The following MAN1A1 variants were observed in gnomAD, a reference collection of about 807,000 sequenced individuals.
The protein encoded by MAN1A1 is mannosyl-oligosaccharide 1,2-alpha-mannosidase IA.
Under a neutral mutation model 70.8 loss-of-function variants are expected in MAN1A1, and 29 were observed. The ratio of observed to expected loss-of-function variants is 0.41; its 90% CI spans 0.31 to 0.56. MAN1A1 has a LOEUF of 0.56. Ranked by LOEUF, MAN1A1 falls within the 20% of genes least tolerant of loss-of-function variation. The probability of loss-of-function intolerance (pLI) is 0.29; values close to 1 mark genes in which losing one functional copy is unlikely to be tolerated. For synonymous variants in MAN1A1, 349 were observed against 330.1 expected (o/e 1.06, Z -0.62); for missense variants, 747 against 841.3 (o/e 0.89, Z 1.39).
At chr6:119,222,131 A>G (rs1295871874) in intron 6 of MAN1A1, among the ~76,000 whole-genome samples, 1 of 151,984 alleles carries the variant, frequency 6.6e-6, no homozygotes, top group Non-Finnish European at 1.5e-5. Flanking sequence ...AACTTCCCCA[A>G]CTGACTTCAA....
At chr6:119,259,978 T>C (rs1291804808) in intron 5 of MAN1A1, among the ~76,000 whole-genome samples, 1 of 152,202 alleles carries the variant, frequency 6.6e-6, no homozygotes, top group Non-Finnish European at 1.5e-5. Context: ...TAAATGGTAT[T>C]GATTGCATTT....
intron 8 of MAN1A1, among the ~76,000 whole-genome samples, chr6:119,196,937 CA>C (rs757898907): frequency 2.0e-5 from 3 of 152,156 alleles, no homozygotes; most frequent in Non-Finnish European, 4.4e-5. Flanking sequence ...TATCAGTGAC[CA>C]GGACCGGATA....
chr6:119,201,933 G>A (rs369275368), intron 7 of MAN1A1, among the ~76,000 whole-genome samples: 209 of 152,178 alleles, frequency 1.4e-3, no homozygotes, highest in African/African-American at 4.6e-3. Flanking sequence ...AATGAAACTC[G>A]CAGGACTGGA....
intron 6 of MAN1A1, among the ~76,000 whole-genome samples, chr6:119,209,493 T>C (rs1216239593): frequency 2.0e-5 from 3 of 152,176 alleles, no homozygotes; most frequent in African/African-American, 7.2e-5. Context: ...ATACAATTAT[T>C]GCAAAGGTTC....
At chr6:119,347,291 CT>C (rs1346192651) in intron 2 of MAN1A1, among the ~76,000 whole-genome samples, 1 of 152,212 alleles carries the variant, frequency 6.6e-6, no homozygotes, top group Non-Finnish European at 1.5e-5. Flanking sequence ...TCTCAACCAC[CT>C]CAAAAATCTG....
intron 6 of MAN1A1, among the ~76,000 whole-genome samples, chr6:119,225,375 C>CAA (rs1303694368): frequency 2.0e-5 from 3 of 151,442 alleles, no homozygotes; most frequent in African/African-American, 7.3e-5. Flanking sequence ...GCCTGAGTGA[C>CAA]AGAGTGAAAC....
At chr6:119,335,400 C>A (rs1221866805) in intron 2 of MAN1A1, among the ~76,000 whole-genome samples, 2 of 152,128 alleles carry the variant, frequency 1.3e-5, no homozygotes, top group African/African-American at 4.8e-5. Flanking sequence ...ATTTCAAAGG[C>A]GTGGAAAGGG....
chr6:119,221,748 C>T (rs931543494), intron 6 of MAN1A1, among the ~76,000 whole-genome samples: 11 of 151,976 alleles, frequency 7.2e-5, no homozygotes, highest in African/African-American at 2.7e-4. Context: ...CCACTGCGCC[C>T]GGCCTCAGAG....
intron 2 of MAN1A1, among the ~76,000 whole-genome samples, chr6:119,335,719 T>C (rs375627366): frequency 2.9e-4 from 44 of 152,246 alleles, no homozygotes; most frequent in African/African-American, 8.9e-4. Context: ...GACATGGATT[T>C]TGAGCAAGTG....
At chr6:119,292,838 G>T (rs1212493479) in intron 4 of MAN1A1, among the ~76,000 whole-genome samples, 2 of 151,982 alleles carry the variant, frequency 1.3e-5, no homozygotes, top group Non-Finnish European at 2.9e-5. Context: ...CACTCTGAAT[G>T]AATTTTACAT....
chr6:119,278,080 A>G (rs1776126718), intron 5 of MAN1A1, among the ~76,000 whole-genome samples: 1 of 152,016 alleles, frequency 6.6e-6, no homozygotes, highest in African/African-American at 2.4e-5. Flanking sequence ...CAGGAGTTCA[A>G]GGATGCAGTG....
At chr6:119,279,435 T>C (rs569263804) in intron 5 of MAN1A1, among the ~76,000 whole-genome samples, 26 of 152,340 alleles carry the variant, frequency 1.7e-4, no homozygotes, top group Admixed American at 7.8e-4. Flanking sequence ...GTACCTAAAG[T>C]GCCGAACACT....
chr6:119,348,750 CGCGGCGCCGG>C lies in MAN1A1; in HGVS notation c.306_315del (p.Arg105GlyfsTer95), dbSNP rs769757893. 5.8e-6 allele frequency: 9 copies of C among 1,560,362 alleles called. No homozygotes were observed. The highest frequency in any genetic ancestry group is 7.8e-6 in the Non-Finnish European group (9 of 1,156,266). ...TCCGGGTCCCCGGGTGCCCCCTCCTCGCGGCGCCGGGCTCGCCCCTCGGCCGCGTCCTCGG... is the reference window on the plus strand; with the variant it reads ...TCCGGGTCCCCGGGTGCCCCCTCCTCGCTCGCCCCTCGGCCGCGTCCTCGG... On this transcript the variant is annotated frameshift_variant, in exon 2 of 13. Transcript: ENST00000368468. LOFTEE classifies it high-confidence loss of function.
At position 119,305,754 on chromosome 6, in the gene MAN1A1, C is replaced by T. The variant is rs575923078; in HGVS notation, c.700+1142G>A. 2.0e-5 allele frequency among the ~76,000 whole-genome samples: 3 copies of T among 152,252 alleles called. No homozygotes were observed. The East Asian group carries it at 5.8e-4, about 29-fold the overall frequency. On this transcript the variant is annotated intron_variant, in intron 3 of 12. Transcript: ENST00000368468. ...TAAATCACTATTTACATATTATATG[C>T]TGTGTACTAGGCAAAGACTTGTGTA...
chr6:119,209,888 T>C (rs2267674), intron 6 of MAN1A1, among the ~76,000 whole-genome samples: 47,981 of 151,778 alleles, frequency 0.32, 7,836 homozygotes, highest in East Asian at 0.56. Flanking sequence ...AGGTGGCTAA[T>C]AGAGGGCAGC....
At chr6:119,274,694 T>C (rs1349427368) in intron 5 of MAN1A1, among the ~76,000 whole-genome samples, 1 of 152,186 alleles carries the variant, frequency 6.6e-6, no homozygotes, top group East Asian at 1.9e-4. Context: ...CCAAAATATA[T>C]ACATTTTACC....
intron 5 of MAN1A1, among the ~76,000 whole-genome samples, chr6:119,257,277 T>A (rs938476775): frequency 3.3e-5 from 5 of 152,138 alleles, no homozygotes; most frequent in African/African-American, 1.2e-4. Flanking sequence ...ACAGATTAAA[T>A]AAGATAAGCT....
chr6:119,201,995 G>C (rs1773725926), intron 7 of MAN1A1, among the ~76,000 whole-genome samples: 1 of 151,980 alleles, frequency 6.6e-6, no homozygotes, highest in African/African-American at 2.4e-5. Context: ...TGAAGGCCTG[G>C]GACGTTACTG....
chr6:119,318,372 C>G (rs1026348030), intron 2 of MAN1A1, among the ~76,000 whole-genome samples: 1 of 152,170 alleles, frequency 6.6e-6, no homozygotes, highest in African/African-American at 2.4e-5. Context: ...AACATCAGAT[C>G]TTGGTGGTGG....
Sources: gnomAD v4.1 joint callset for allele counts (sites outside exome capture counted in the v4.1 genomes callset) on GRCh38, gnomAD v4.1.1 for gene constraint, MANE v1.5 for transcripts, NCBI Gene and HGNC (gene_info 2026-07-23, HGNC 2026-07-21) for gene names.